IPO7: variants seen among roughly 807,000 people sequenced by gnomAD.
IPO7 encodes the protein importin-7.
A neutral mutation model predicts 136.4 loss-of-function variants in IPO7; 13 were observed. The observed-to-expected ratio is 0.10, with a 90% CI of 0.06 to 0.15. The LOEUF (loss-of-function observed/expected upper bound fraction) is 0.15, where lower values mean the gene tolerates loss of function less well. IPO7 is among the 10% of genes least tolerant of loss of function. The pLI, the probability that IPO7 is intolerant of heterozygous loss-of-function variation, is 1.00. For synonymous variants in IPO7, 403 were observed against 404.4 expected, an observed-to-expected ratio of 1.00 and a Z score of 0.04; for missense variants, 857 against 1,240.6, an observed-to-expected ratio of 0.69 and a Z score of 4.65.
At chr11:9,406,687 A>G (rs1313436540) in intron 2 of IPO7, among the ~76,000 whole-genome samples, 1 of 152,272 alleles carries the variant, frequency 6.6e-6, no homozygotes, top group South Asian at 2.1e-4. Flanking sequence ...CCTGGTCAAC[A>G]TGGTGAAACC....
At chr11:9,428,856 ACAT>A (rs750723704) in intron 13 of IPO7, 172 bp from the exon 14 acceptor site, 2 of 793,876 alleles carry the variant, frequency 2.5e-6, no homozygotes, top group Non-Finnish European at 4.6e-6. Flanking sequence ...ATCCACACAA[ACAT>A]CATGCGGCCA....
intron 1 of IPO7, among the ~76,000 whole-genome samples, chr11:9,400,009 A>G (rs1280346660): frequency 6.6e-6 from 1 of 152,166 alleles, no homozygotes; most frequent in Non-Finnish European, 1.5e-5. Flanking sequence ...ATCAAAATTC[A>G]TGGATGCTGA....
chr11:9,440,734 G>A, intron 23 of IPO7, 73 bp downstream of exon 23: 1 of 1,205,258 alleles, frequency 8.3e-7, no homozygotes, highest in Non-Finnish European at 1.2e-6. Flanking sequence ...CCCTTTAAAG[G>A]AAGAGTTTGG....
chr11:9,416,165 G>C (rs971658001), intron 5 of IPO7, among the ~76,000 whole-genome samples: 2 of 152,188 alleles, frequency 1.3e-5, no homozygotes, highest in Admixed American at 1.3e-4. Context: ...AGCGAGACCT[G>C]GTCTCTTAAA....
intron 1 of IPO7, among the ~76,000 whole-genome samples, chr11:9,396,145 C>T (rs899327511): frequency 2.6e-5 from 4 of 151,896 alleles, no homozygotes; most frequent in African/African-American, 9.7e-5. Flanking sequence ...CCTATAATCC[C>T]AGCACTTTGG....
Position 9,431,465 on chromosome 11 carries a change from A to T in IPO7, c.1881+462A>T, listed in dbSNP as rs571242162. ...GGAAAAGTAAGAATTGTAATAATGG[A>T]TTTTTTTTTTTTTGAGATGGAGTCT... On this transcript the variant is annotated intron_variant, in intron 16 of 24. Coordinates refer to ENST00000379719, the MANE Select transcript of IPO7 (RefSeq NM_006391.3). Among the ~76,000 whole-genome samples, 155 of 145,784 alleles carry T rather than the reference A, an allele frequency of 1.1e-3. 1 individual carries two copies. Among genetic ancestry groups the T allele is most frequent in the African/African-American group, 3.5e-3 (140 of 39,748 alleles).
chr11:9,395,901 T>A (rs951336291), intron 1 of IPO7, among the ~76,000 whole-genome samples: 103 of 151,026 alleles, frequency 6.8e-4, no homozygotes, highest in Non-Finnish European at 1.2e-3. Flanking sequence ...ATTTTTTTTT[T>A]AAATAAAGAT....
At chr11:9,412,437 A>C (rs1261258326) in intron 4 of IPO7, among the ~76,000 whole-genome samples, 1 of 152,208 alleles carries the variant, frequency 6.6e-6, no homozygotes, top group African/African-American at 2.4e-5. Flanking sequence ...CTGTTCCAAA[A>C]AGATAAGCTG....
At position 9,429,036 on chromosome 11, in the gene IPO7, C is replaced by T. The variant is rs768512561; in HGVS notation, c.1431C>T (p.Cys477=). The T allele has an allele frequency of 6.2e-7, 1 of 1,613,020 alleles. No individual in the cohort carries two copies. The highest frequency in any genetic ancestry group is 8.5e-7 in the Non-Finnish European group (1 of 1,179,312). Residue 477 remains cysteine (C), a synonymous_variant, in exon 14 of 25, where the codon TGC becomes TGT. Transcript: ENST00000379719. The part of the protein sequence containing the change: ...SELGYMRARA[C]WVLHYFCEVK... ...TCACTGTGTTTTTACAAAAGGCTTG[C>T]TGGGTACTTCACTATTTTTGTGAAG...
intron 5 of IPO7, chr11:9,414,714 C>G (rs538261569): frequency 5.3e-4 from 81 of 153,924 alleles, no homozygotes; most frequent in Admixed American, 1.7e-3. Flanking sequence ...CAACCTCTGC[C>G]TCCCGGTTTC....
chr11:9,403,526 A>G (rs1854831110), intron 2 of IPO7, 155 bp downstream of exon 2: 2 of 571,766 alleles, frequency 3.5e-6, no homozygotes, highest in Non-Finnish European at 6.2e-6. Flanking sequence ...AGGTACCTTG[A>G]TATCTGGTGG....
intron 3 of IPO7, among the ~76,000 whole-genome samples, chr11:9,409,492 G>A (rs1450471730): frequency 6.6e-6 from 1 of 152,034 alleles, no homozygotes; most frequent in Non-Finnish European, 1.5e-5. Context: ...GGGCACAGTG[G>A]CCTCAGCCCC....
chr11:9,439,878 T>C (rs1213286279), intron 22 of IPO7, among the ~76,000 whole-genome samples: 1 of 152,198 alleles, frequency 6.6e-6, no homozygotes, highest in Non-Finnish European at 1.5e-5. Context: ...CGGCGAATTA[T>C]GGGGTTTTCA....
chr11:9,396,542 C>T (rs1042389152), intron 1 of IPO7, among the ~76,000 whole-genome samples: 1 of 152,192 alleles, frequency 6.6e-6, no homozygotes, highest in Non-Finnish European at 1.5e-5. Flanking sequence ...CATCACCCCA[C>T]AAAGAAAATT....
At chr11:9,428,853 C>T (rs780763705) in intron 13 of IPO7, 178 bp from the exon 14 acceptor site, 1 of 793,052 alleles carries the variant, frequency 1.3e-6, no homozygotes, top group Non-Finnish European at 2.3e-6. Flanking sequence ...GCTATCCACA[C>T]AAACATCATG....
At chr11:9,429,242 C>T (rs746586610) in intron 14 of IPO7, 46 bp downstream of exon 14, 143 of 1,482,622 alleles carry the variant, frequency 9.6e-5, no homozygotes, top group Non-Finnish European at 1.2e-4. Context: ...TGGCCAGGTG[C>T]GGTAGGTCAC....
intron 1 of IPO7, among the ~76,000 whole-genome samples, chr11:9,391,250 T>G (rs1463123463): frequency 6.6e-6 from 1 of 150,978 alleles, no homozygotes; most frequent in Non-Finnish European, 1.5e-5. Flanking sequence ...ATATGAAAAA[T>G]TAGCCGGGTG....
Position 9,422,412 on chromosome 11 carries a change from T to TG in IPO7, c.907-594_907-593insG, listed in dbSNP as rs564862130. 1.6e-3 allele frequency among the ~76,000 whole-genome samples: 249 copies of TG among 152,216 alleles called. 1 individual carries two copies. Among genetic ancestry groups the TG allele is most frequent in the African/African-American group, 5.9e-3 (243 of 41,536 alleles). On this transcript the variant is annotated intron_variant, in intron 8 of 24. Coordinates refer to ENST00000379719, the MANE Select transcript of IPO7 (RefSeq NM_006391.3). ...ATTTACTCAAAACACAGTTTTGTTT[T>TG]TTTTTTTAAAAAAAGACAATATCAT...
At chr11:9,435,067 T>C (rs767416933) in intron 19 of IPO7, 36 bp downstream of exon 19, 1 of 1,228,182 alleles carries the variant, frequency 8.1e-7, no homozygotes, top group Non-Finnish European at 1.2e-6. Context: ...TCATGAGGCT[T>C]CTGCTATAAA....
Sources: gnomAD v4.1 joint callset for allele counts (sites outside exome capture counted in the v4.1 genomes callset) on GRCh38, gnomAD v4.1.1 for gene constraint, MANE v1.5 for transcripts, NCBI Gene and HGNC (gene_info 2026-07-23, HGNC 2026-07-21) for gene names.